The following DCST2 variants were observed in gnomAD, a reference collection of about 807,000 sequenced individuals.
The protein encoded by DCST2 is DC-STAMP domain containing 2, also known as DC-STAMP domain-containing protein 2.
DCST2 carries 64 observed loss-of-function variants against 81.8 expected under a neutral mutation model. The ratio of observed to expected loss-of-function variants is 0.78; its 90% CI spans 0.64 to 0.96. The LOEUF (loss-of-function observed/expected upper bound fraction) is 0.96. Ranked by LOEUF, DCST2 falls within the 40% of genes least tolerant of loss-of-function variation. The probability of loss-of-function intolerance (pLI) is 0.00; values close to 1 mark genes in which losing one functional copy is unlikely to be tolerated. For synonymous variants in DCST2, 354 were observed against 402.6 expected (o/e 0.88, Z 1.44); for missense variants, 945 against 1,001.4 (o/e 0.94, Z 0.76).
chr1:155,020,151 C>T (rs1253887304), intron 14 of DCST2, among the ~76,000 whole-genome samples: 2 of 152,336 alleles, frequency 1.3e-5, no homozygotes, highest in East Asian at 3.9e-4. Flanking sequence ...TGCTTTTACA[C>T]TGCCTAAATG....
Position 155,027,198 on chromosome 1 carries a change from ATTTTTTT to A in DCST2, c.1343-490_1343-484del, listed in dbSNP as rs900841532. Reference sequence around the variant, plus strand: ...TAGGCACGTGCCACCACGACCGGCTATTTTTTTTTTTTTTTTTTTTTTGTAAAGAGAT... The same window carrying A: ...TAGGCACGTGCCACCACGACCGGCTATTTTTTTTTTTTTTTGTAAAGAGAT... On this transcript the variant is annotated intron_variant, in intron 8 of 14. Coordinates refer to ENST00000368424, the MANE Select transcript of DCST2 (RefSeq NM_144622.3). Among the ~76,000 whole-genome samples the A allele has an allele frequency of 3.7e-3, 350 of 94,228 alleles. 1 individual carries two copies. The highest frequency in any genetic ancestry group is 0.014 in the African/African-American group (321 of 23,752). 61.8% of individuals were successfully genotyped at this position (94,228 alleles called of 152,430 possible). A position where few individuals can be genotyped will look rare whatever the true frequency, so the allele number is the denominator to read the frequency against.
rs756412235 is a variant in DCST2, at chr1:155,024,521, G to A, written c.1693C>T (p.Arg565Trp). ...CTTCTGTGGCCCTGGTCAGCCGCCCGCCGCCTCACTGATCGGTGCAGGGCA... is the reference window on the plus strand; with the variant it reads ...CTTCTGTGGCCCTGGTCAGCCGCCCACCGCCTCACTGATCGGTGCAGGGCA... Reference protein sequence around the residue: ...LAALHRSVRRRAADQGHRSAF... With the variant: ...LAALHRSVRRWAADQGHRSAF... The change falls in exon 11 of 15, where the codon CGG (arginine) becomes TGG (tryptophan). Residue 565 changes from arginine to tryptophan, a missense_variant. Coordinates refer to ENST00000368424, the MANE Select transcript of DCST2 (RefSeq NM_144622.3). 46 of 1,608,478 alleles carry A rather than the reference G, an allele frequency of 2.9e-5. No individual in the cohort carries two copies. The highest frequency in any genetic ancestry group is 2.8e-4 in the South Asian group (25 of 89,460).
In DCST2 at chr1:155,030,131, G is replaced by C. The variant is rs1435213889; in HGVS notation, c.1130C>G (p.Thr377Arg). 1 of 1,614,132 alleles carries C rather than the reference G, an allele frequency of 6.2e-7. No individual in the cohort carries two copies. The highest frequency in any genetic ancestry group is 8.5e-7 in the Non-Finnish European group (1 of 1,180,016). Residue 377 changes from threonine to arginine, a missense_variant, in exon 7 of 15, where the codon ACA (threonine) becomes AGA (arginine). Coordinates refer to ENST00000368424, the MANE Select transcript of DCST2 (RefSeq NM_144622.3). ...EAVRSTAGLP[T>R]VLPLSAHEAR... ...CTCGTGAGCACTGAGCGGTAGCACT[G>C]TGGGCAGCCCTGCCGTGGAGCGCAC...
intron 9 of DCST2, 44 bp downstream of exon 9, chr1:155,026,504 A>G: frequency 6.2e-7 from 1 of 1,612,732 alleles, no homozygotes; most frequent in South Asian, 1.1e-5. Flanking sequence ...CTCATTTCCC[A>G]CATGGTGTCC....
In DCST2 at chr1:155,030,255, G is replaced by A; in HGVS notation, c.1020-14C>T. On this transcript the variant is annotated splice_polypyrimidine_tract_variant and intron_variant, in intron 6 of 14. Transcript: ENST00000368424. ...TAAAATAGGGCTCTGGGAAGGGGAGGTGGAGCACATGTGAGGCCCCTTAGG... is the reference window on the plus strand; with the variant it reads ...TAAAATAGGGCTCTGGGAAGGGGAGATGGAGCACATGTGAGGCCCCTTAGG... The A allele has an allele frequency of 6.2e-7, 1 of 1,613,946 alleles. No individual in the cohort carries two copies. Among genetic ancestry groups the A allele is most frequent in the Non-Finnish European group, 8.5e-7 (1 of 1,179,920 alleles).
chr1:155,026,694 G>T lies in DCST2; in HGVS notation c.1364C>A (p.Thr455Asn). ...CCCAGCGTAGCCAGTACCTTCCACG[G>T]TTAGAGACACCAACACAGGACCTGG... ...VARSPVLVSL[T>N]VEGTGYAGNI... Residue 455 changes from threonine (T) to asparagine (N), a missense_variant, in exon 9 of 15, where the codon ACC (threonine) becomes AAC (asparagine). By Grantham distance (65) the Thr-to-Asn change is moderately conservative. Coordinates refer to ENST00000368424, the MANE Select transcript of DCST2 (RefSeq NM_144622.3). The T allele has an allele frequency of 4.3e-6, 7 of 1,614,186 alleles. No homozygotes were observed. Among genetic ancestry groups the T allele is most frequent in the Non-Finnish European group, 5.9e-6 (7 of 1,180,048 alleles).
intron 2 of DCST2, among the ~76,000 whole-genome samples, 160 bp downstream of exon 2, chr1:155,032,934 G>A (rs1365391863): frequency 6.6e-6 from 1 of 152,204 alleles, no homozygotes; most frequent in Non-Finnish European, 1.5e-5. Context: ...GGAGGCCAGA[G>A]AGCAAGGAGA....
Position 155,024,603 on chromosome 1 carries a change from C to T in DCST2, c.1612-1G>A. On this transcript the variant is annotated splice_acceptor_variant, in intron 10 of 14. Transcript: ENST00000368424. LOFTEE classifies it high-confidence loss of function. ...CATTGTACAGGTAGGAGATCCTCTC[C>T]TGGTGCGGGGAGATCAGGGATGGGG... 1 of 1,595,546 alleles carries T rather than the reference C, an allele frequency of 6.3e-7. No individual in the cohort carries two copies. Among genetic ancestry groups the T allele is most frequent in the Non-Finnish European group, 8.5e-7 (1 of 1,170,830 alleles).
Position 155,031,238 on chromosome 1 carries a change from A to G in DCST2, c.740-4T>C. The G allele has an allele frequency of 1.3e-6, 2 of 1,573,384 alleles. No individual in the cohort carries two copies. The highest frequency in any genetic ancestry group is 1.7e-6 in the Non-Finnish European group (2 of 1,158,960). On this transcript the variant is annotated splice_polypyrimidine_tract_variant and splice_region_variant and intron_variant, in intron 4 of 14. Transcript: ENST00000368424. ...ATGACGCAGAACACCTGGACCACTG[A>G]GGGGCGGAGTCGGCTGAGTGTCGGA... is the stretch of plus-strand genomic sequence containing the variant.
rs1660181065 is a variant in DCST2, at chr1:155,033,756, G to T, written c.-55C>A. ...CCAGGAGATGCCCGCTGACTTCTGT[G>T]CTCCTGGAATTTCTCACCGTATTCT... On this transcript the variant is annotated 5_prime_UTR_variant, in exon 1 of 15. Coordinates refer to ENST00000368424, the MANE Select transcript of DCST2 (RefSeq NM_144622.3). The T allele has an allele frequency of 6.3e-7, 1 of 1,577,260 alleles. No individual in the cohort carries two copies. The highest frequency in any genetic ancestry group is 1.7e-4 in the Middle Eastern group (1 of 5,854).
chr1:155,023,245 A>G lies in DCST2; in HGVS notation c.1977T>C (p.Asp659=). The part of the protein sequence containing the change: ...GDLDLELDSS[D]EEGPQLWLAA... The stretch of plus-strand genomic sequence containing the variant: ...CCAGCCATAGCTGAGGGCCCTCCTC[A>G]TCGCTGGAGTCCCTGGAGAAGACTC... The change falls in exon 14 of 15, where the codon GAT becomes GAC. Residue 659 remains aspartate, a synonymous_variant. Transcript: ENST00000368424. 1.2e-6 allele frequency: 2 copies of G among 1,614,138 alleles called. No individual in the cohort carries two copies. Among genetic ancestry groups the G allele is most frequent in the East Asian group, 2.2e-5 (1 of 44,880 alleles).
At chr1:155,031,515 T>TCCCCCCCC in intron 4 of DCST2, 59 bp downstream of exon 4, 28 of 643,104 alleles carry the variant, frequency 4.4e-5, no homozygotes, top group South Asian at 5.7e-5. Context: ...ACCCCCACAT[T>TCCCCCCCC]CCCACCCCAC....
rs967730219 is a variant in DCST2 at position 155,030,249 on chromosome 1, G to C, written c.1020-8C>G. On this transcript the variant is annotated splice_polypyrimidine_tract_variant and splice_region_variant and intron_variant, in intron 6 of 14. Coordinates refer to ENST00000368424, the MANE Select transcript of DCST2 (RefSeq NM_144622.3). ...TACCGGTAAAATAGGGCTCTGGGAA[G>C]GGGAGGTGGAGCACATGTGAGGCCC... The C allele has an allele frequency of 6.2e-7, 1 of 1,613,944 alleles. No homozygotes were observed. Among genetic ancestry groups the C allele is most frequent in the Non-Finnish European group, 8.5e-7 (1 of 1,179,996 alleles).
Position 155,030,084 on chromosome 1 carries a change from C to T in DCST2, c.1177G>A (p.Gly393Ser). 1 of 1,613,104 alleles carries T rather than the reference C, an allele frequency of 6.2e-7. No homozygotes were observed. Among genetic ancestry groups the T allele is most frequent in the Non-Finnish European group, 8.5e-7 (1 of 1,179,938 alleles). The change falls in exon 7 of 15, where the codon GGC (glycine) becomes AGC (serine). Residue 393 changes from glycine to serine, a missense_variant and splice_region_variant. Gly to Ser is a moderately conservative substitution (Grantham distance 56, BLOSUM62 0). Coordinates refer to ENST00000368424, the MANE Select transcript of DCST2 (RefSeq NM_144622.3). ...CTCTCCCTGTCCTCAGGGCCCTCAC[C>T]CGGTGGGATGTAGCGCCTGGCCTCG... ...AHEARRYIPP[G>S]SIFLSQWEKF...
chr1:155,021,154 C>T (rs544439982), intron 14 of DCST2, among the ~76,000 whole-genome samples: 2 of 152,148 alleles, frequency 1.3e-5, no homozygotes, highest in East Asian at 1.9e-4. Flanking sequence ...GTGCGTGCCA[C>T]CACTCCTGGC....
In DCST2 at chr1:155,033,539, A is replaced by G. The variant is rs114853794; in HGVS notation, c.163T>C (p.Cys55Arg). The change falls in exon 1 of 15, where the codon TGC becomes CGC. Residue 55 changes from cysteine (C) to arginine (R), a missense_variant. Cys to Arg is a radical substitution (Grantham distance 180, BLOSUM62 -3). Transcript: ENST00000368424. ...GCCAAAGTGAGGGTGCCCACCAGGC[A>G]ACCCCAGGGGCTGTGGCCTTCCACC... ...LLVEGHSPWG[C>R]LVGTLTLAAF... is the part of the protein sequence containing the mutation. The G allele has an allele frequency of 1.2e-6, 2 of 1,614,086 alleles. No homozygotes were observed. Among genetic ancestry groups the G allele is most frequent in the Admixed American group, 3.3e-5 (2 of 60,028 alleles).
chr1:155,028,461 G>A (rs1489444518), intron 8 of DCST2, among the ~76,000 whole-genome samples: 1 of 152,118 alleles, frequency 6.6e-6, no homozygotes, highest in African/African-American at 2.4e-5. Flanking sequence ...GCATGTGCCT[G>A]TAGTCCCAGC....
At chr1:155,026,995 C>A (rs190273957) in intron 8 of DCST2, among the ~76,000 whole-genome samples, 2 of 151,978 alleles carry the variant, frequency 1.3e-5, no homozygotes, top group African/African-American at 4.8e-5. Context: ...GTGAGTCCAC[C>A]CCCCGGCCTC....
chr1:155,026,249 C>T, intron 10 of DCST2, 53 bp downstream of exon 10: 1 of 1,589,896 alleles, frequency 6.3e-7, no homozygotes, highest in South Asian at 1.1e-5. Context: ...CAGCCACTAG[C>T]TAAGCCCCCT....
Sources: gnomAD v4.1 joint callset for allele counts (sites outside exome capture counted in the v4.1 genomes callset) on GRCh38, gnomAD v4.1.1 for gene constraint, MANE v1.5 for transcripts, NCBI Gene and HGNC (gene_info 2026-07-23, HGNC 2026-07-21) for gene names.